CFAP299: variants seen among roughly 807,000 people sequenced by gnomAD.
CFAP299 encodes the protein cilia- and flagella-associated protein 299.
A neutral mutation model predicts 27.0 loss-of-function variants in CFAP299; 21 were observed. The observed-to-expected ratio is 0.78, with a 90% CI of 0.55 to 1.12. CFAP299 has a LOEUF of 1.12. Ranked by LOEUF, CFAP299 falls within the 50% of genes most tolerant of loss-of-function variation. The pLI, the probability that CFAP299 is intolerant of heterozygous loss-of-function variation, is 0.00. For missense variants in CFAP299, 310 were observed against 276.6 expected (o/e 1.12, Z -0.86); for synonymous variants, 104 against 98.1 (o/e 1.06, Z -0.36).
intron 2 of CFAP299, among the ~76,000 whole-genome samples, chr4:80,480,279 A>T (rs556577025): frequency 6.6e-6 from 1 of 150,886 alleles, no homozygotes; most frequent in Non-Finnish European, 1.5e-5. Flanking sequence ...AATTTTTTTT[A>T]AAGAGTTTAT....
rs1729419556 is a variant in CFAP299, at chr4:80,816,320, G to C, written c.334-53673G>C. Reference sequence around the variant, plus strand: ...AAATAAAATGTAAAATCTATGTTAAGTCTGGAAAACTTTGAGAAAAAAGGA... The same window carrying C: ...AAATAAAATGTAAAATCTATGTTAACTCTGGAAAACTTTGAGAAAAAAGGA... On this transcript the variant is annotated intron_variant, in intron 3 of 5. Transcript: ENST00000358105. Among the ~76,000 whole-genome samples, 6 of 152,174 alleles carry C rather than the reference G, an allele frequency of 3.9e-5. No individual in the cohort carries two copies. The South Asian group carries it at 1.2e-3, about 32-fold the overall frequency.
chr4:80,666,040 T>G (rs563180390), intron 3 of CFAP299, among the ~76,000 whole-genome samples: 2 of 152,306 alleles, frequency 1.3e-5, no homozygotes, highest in South Asian at 2.1e-4. Context: ...CTTTTCTTTA[T>G]AAAATCTCCA....
At chr4:80,542,816 C>T (rs551430471) in intron 2 of CFAP299, among the ~76,000 whole-genome samples, 4 of 152,142 alleles carry the variant, frequency 2.6e-5, no homozygotes, top group Non-Finnish European at 4.4e-5. Context: ...AGAATGTTTG[C>T]GTGTGACCCT....
chr4:80,719,242 T>G (rs975911731), intron 3 of CFAP299, among the ~76,000 whole-genome samples: 3 of 152,100 alleles, frequency 2.0e-5, no homozygotes, highest in Admixed American at 6.6e-5. Context: ...CCCCATGACA[T>G]GAGTTAACCT....
Position 80,387,932 on chromosome 4 carries a change from T to C in CFAP299, c.242+25048T>C. On this transcript the variant is annotated intron_variant, in intron 2 of 5. Transcript: ENST00000358105. ...GCACTGGTCATGGGGCAGCAGGGTT[T>C]GGTCCTTTGGGTGTTTGCCAGGGCT... 4 of 831,322 alleles carry C rather than the reference T, an allele frequency of 4.8e-6. No homozygotes were observed. In the South Asian group the frequency reaches 5.9e-5, roughly 12 times the overall value. The allele number at this position is 831,322 out of a possible 1,614,324, so 51.5% of individuals were successfully genotyped here.
intron 3 of CFAP299, among the ~76,000 whole-genome samples, chr4:80,811,739 A>C (rs946653535): frequency 5.9e-5 from 9 of 152,150 alleles, no homozygotes; most frequent in African/African-American, 2.2e-4. Flanking sequence ...ATTGAAGATA[A>C]GGCATCTGAC....
At chr4:80,746,859 G>T (rs1560731085) in intron 3 of CFAP299, among the ~76,000 whole-genome samples, 1 of 152,014 alleles carries the variant, frequency 6.6e-6, no homozygotes, top group Non-Finnish European at 1.5e-5. Context: ...CTCATTCAAA[G>T]CTTGTGTGCA....
chr4:80,344,715 C>G (rs995390673), intron 1 of CFAP299, among the ~76,000 whole-genome samples: 2 of 152,160 alleles, frequency 1.3e-5, no homozygotes, highest in Non-Finnish European at 2.9e-5. Context: ...TCCAATATCC[C>G]TGATGAATAT....
intron 4 of CFAP299, among the ~76,000 whole-genome samples, chr4:80,891,835 A>G (rs1373620793): frequency 7.4e-6 from 1 of 134,664 alleles, no homozygotes; most frequent in African/African-American, 3.4e-5. Context: ...TAAAGGAAAA[A>G]AAAAAAAAAA....
Position 80,591,830 on chromosome 4 carries a change from C to T in CFAP299, c.333+8647C>T, listed in dbSNP as rs142320822. Reference sequence around the variant, plus strand: ...CCATTTCAATAAATCCTCCATTTTGCTTAGAGTTCAATTTGTGGTTTACAG... The same window carrying T: ...CCATTTCAATAAATCCTCCATTTTGTTTAGAGTTCAATTTGTGGTTTACAG... On this transcript the variant is annotated intron_variant, in intron 3 of 5. Coordinates refer to ENST00000358105, the MANE Select transcript of CFAP299 (RefSeq NM_152770.3). Among the ~76,000 whole-genome samples, 1,013 of 152,308 alleles carry T rather than the reference C, an allele frequency of 6.7e-3. 12 individuals are homozygous for T. The highest frequency in any genetic ancestry group is 0.023 in the African/African-American group (965 of 41,570).
intron 2 of CFAP299, among the ~76,000 whole-genome samples, chr4:80,434,343 G>A (rs1281766145): frequency 6.6e-6 from 1 of 152,144 alleles, no homozygotes; most frequent in African/African-American, 2.4e-5. Flanking sequence ...AGGACCTGTT[G>A]CTATGGAGTA....
chr4:80,493,572 A>G (rs1311031275), intron 2 of CFAP299, among the ~76,000 whole-genome samples: 1 of 152,054 alleles, frequency 6.6e-6, no homozygotes, highest in Non-Finnish European at 1.5e-5. Context: ...GTAATCGAAA[A>G]AGGTTGCTTT....
At chr4:80,843,076 A>T (rs190712468) in intron 3 of CFAP299, among the ~76,000 whole-genome samples, 1 of 151,002 alleles carries the variant, frequency 6.6e-6, no homozygotes, top group East Asian at 1.9e-4. Context: ...TTTTATATAT[A>T]TATAAATATA....
chr4:80,544,475 A>G (rs1734140401), intron 2 of CFAP299, among the ~76,000 whole-genome samples: 1 of 152,202 alleles, frequency 6.6e-6, no homozygotes, highest in Admixed American at 6.5e-5. Context: ...AAGATAACTC[A>G]TCTCACAAAT....
At chr4:80,672,200 G>T (rs1014472463) in intron 3 of CFAP299, among the ~76,000 whole-genome samples, 3 of 152,188 alleles carry the variant, frequency 2.0e-5, no homozygotes, top group African/African-American at 7.2e-5. Flanking sequence ...TTTATTAAGA[G>T]TTTTTAGCAT....
intron 4 of CFAP299, among the ~76,000 whole-genome samples, chr4:80,940,754 A>T (rs942971378): frequency 6.6e-6 from 1 of 152,164 alleles, no homozygotes. Flanking sequence ...TTAAGTACTA[A>T]TATCTCTCTG....
intron 2 of CFAP299, among the ~76,000 whole-genome samples, chr4:80,500,600 A>C (rs1301650092): frequency 6.6e-6 from 1 of 152,142 alleles, no homozygotes; most frequent in African/African-American, 2.4e-5. Context: ...CTGTCAAAGC[A>C]ATAGTAAACT....
At chr4:80,927,200 G>T (rs1736350253) in intron 4 of CFAP299, among the ~76,000 whole-genome samples, 1 of 151,998 alleles carries the variant, frequency 6.6e-6, no homozygotes, top group Non-Finnish European at 1.5e-5. Flanking sequence ...TTTAGTTTGT[G>T]TTGTTTCAGT....
intron 3 of CFAP299, among the ~76,000 whole-genome samples, chr4:80,694,847 G>A (rs183291267): frequency 7.9e-5 from 12 of 152,228 alleles, no homozygotes; most frequent in Non-Finnish European, 1.0e-4. Flanking sequence ...TGATTGAATT[G>A]TGCAGAATGA....
Sources: gnomAD v4.1 joint callset for allele counts (sites outside exome capture counted in the v4.1 genomes callset) on GRCh38, gnomAD v4.1.1 for gene constraint, MANE v1.5 for transcripts, NCBI Gene and HGNC (gene_info 2026-07-23, HGNC 2026-07-21) for gene names.